The following KMT2C variants were observed in gnomAD, a reference collection of about 807,000 sequenced individuals.
KMT2C encodes histone-lysine N-methyltransferase 2C.
A neutral mutation model predicts 507.9 loss-of-function variants in KMT2C; 88 were observed. That is an observed-to-expected ratio of 0.17 (90% CI 0.15 to 0.21). The LOEUF is 0.21. KMT2C is among the 10% of genes least tolerant of loss of function. KMT2C has a pLI of 1.00. For missense variants in KMT2C, 4,954 were observed against 5,957.8 expected, an observed-to-expected ratio of 0.83 and a Z score of 5.55; for synonymous variants, 2,049 against 2,080.8, an observed-to-expected ratio of 0.98 and a Z score of 0.42.
At chr7:152,200,996 A>T (rs2094119172) in intron 26 of KMT2C, among the ~76,000 whole-genome samples, 1 of 152,160 alleles carries the variant, frequency 6.6e-6, no homozygotes, top group South Asian at 2.1e-4. Context: ...ATAATAAGCA[A>T]TGCTTTTATC....
chr7:152,246,376 A>G (rs572765733), intron 14 of KMT2C, among the ~76,000 whole-genome samples: 1 of 152,284 alleles, frequency 6.6e-6, no homozygotes, highest in Non-Finnish European at 1.5e-5. Flanking sequence ...TGGGAATCAA[A>G]GACAGCTCAG....
intron 20 of KMT2C, among the ~76,000 whole-genome samples, chr7:152,223,769 C>G (rs2094846356): frequency 6.6e-6 from 1 of 152,092 alleles, no homozygotes; most frequent in African/African-American, 2.4e-5. Flanking sequence ...CACTGCACTC[C>G]AGCCTGGTGA....
chr7:152,300,143 A>G (rs2096553956), intron 6 of KMT2C, among the ~76,000 whole-genome samples: 1 of 152,340 alleles, frequency 6.6e-6, no homozygotes, highest in Middle Eastern at 3.4e-3. Context: ...ACTATAGTCC[A>G]TTAGACAGAA....
At chr7:152,215,429 G>C (rs931987862) in intron 23 of KMT2C, among the ~76,000 whole-genome samples, 1 of 149,922 alleles carries the variant, frequency 6.7e-6, no homozygotes, top group African/African-American at 2.5e-5. Context: ...CAGGAGAATG[G>C]CGTGAACCCA....
At chr7:152,227,249 A>G (rs2094961055) in intron 18 of KMT2C, among the ~76,000 whole-genome samples, 1 of 152,206 alleles carries the variant, frequency 6.6e-6, no homozygotes. Context: ...TAACCTAGGT[A>G]CTGGGGTTGT....
At chr7:152,141,712 C>CAAAAAAAAA (rs1249621681) in intron 55 of KMT2C, among the ~76,000 whole-genome samples, 29 of 61,872 alleles carry the variant, frequency 4.7e-4, no homozygotes, top group African/African-American at 1.6e-3. Flanking sequence ...GACTCTGTCT[C>CAAAAAAAAA]AAAAAAAAAA....
At chr7:152,142,708 A>C (rs1291045939) in intron 55 of KMT2C, among the ~76,000 whole-genome samples, 1 of 152,268 alleles carries the variant, frequency 6.6e-6, no homozygotes, top group East Asian at 1.9e-4. Context: ...GCAATGGTTT[A>C]ACTGCAGTTC....
chr7:152,141,791 G>A (rs1215369943), intron 55 of KMT2C, among the ~76,000 whole-genome samples: 3 of 151,926 alleles, frequency 2.0e-5, no homozygotes, highest in African/African-American at 7.3e-5. Context: ...GGCCGAGGCA[G>A]GTGAATTGCT....
intron 6 of KMT2C, among the ~76,000 whole-genome samples, chr7:152,307,385 G>A (rs894537485): frequency 7.3e-5 from 11 of 150,678 alleles, no homozygotes; most frequent in South Asian, 2.1e-4. Context: ...AGGGAAGGAG[G>A]GAGGAAGGGA....
chr7:152,413,174 G>A (rs2097699655), intron 1 of KMT2C, among the ~76,000 whole-genome samples: 1 of 152,126 alleles, frequency 6.6e-6, no homozygotes, highest in Admixed American at 6.6e-5. Flanking sequence ...GAGTGCAGTG[G>A]TGCGATTTTA....
intron 1 of KMT2C, among the ~76,000 whole-genome samples, chr7:152,372,728 A>C (rs1354105793): frequency 1.3e-5 from 2 of 152,178 alleles, no homozygotes; most frequent in African/African-American, 4.8e-5. Flanking sequence ...AAGCACTATC[A>C]ATAGAACTAA....
At chr7:152,160,594 GC>G in intron 43 of KMT2C, among the ~76,000 whole-genome samples, 1 of 149,602 alleles carries the variant, frequency 6.7e-6, no homozygotes, top group African/African-American at 2.5e-5. Flanking sequence ...ACTCTGAGTG[GC>G]AAGAACCTAA....
chr7:152,269,491 A>G (rs774999952), intron 7 of KMT2C, among the ~76,000 whole-genome samples: 1 of 152,210 alleles, frequency 6.6e-6, no homozygotes, highest in Non-Finnish European at 1.5e-5. Context: ...TTAAATATGA[A>G]TATTTAGACA....
chr7:152,225,058 T>C (rs1172059981), intron 18 of KMT2C, among the ~76,000 whole-genome samples: 1 of 152,176 alleles, frequency 6.6e-6, no homozygotes, highest in Non-Finnish European at 1.5e-5. Context: ...TAGGGACATT[T>C]TATGATCTTA....
At chr7:152,396,935 A>G (rs1313857371) in intron 1 of KMT2C, among the ~76,000 whole-genome samples, 1 of 152,204 alleles carries the variant, frequency 6.6e-6, no homozygotes, top group Admixed American at 6.5e-5. Context: ...ACAAATACAC[A>G]AGTACAAGGA....
At chr7:152,410,422 A>AG in intron 1 of KMT2C, among the ~76,000 whole-genome samples, 1 of 151,392 alleles carries the variant, frequency 6.6e-6, no homozygotes, top group Non-Finnish European at 1.5e-5. Context: ...AAAAAAAAAA[A>AG]AAAAAATTAG....
intron 2 of KMT2C, among the ~76,000 whole-genome samples, chr7:152,345,712 G>C (rs947204263): frequency 6.6e-6 from 1 of 152,044 alleles, no homozygotes; most frequent in African/African-American, 2.4e-5. Context: ...ATAGAGGTGG[G>C]GTTTCACCAC....
At chr7:152,398,345 T>TA (rs1348501363) in intron 1 of KMT2C, among the ~76,000 whole-genome samples, 1 of 152,114 alleles carries the variant, frequency 6.6e-6, no homozygotes, top group African/African-American at 2.4e-5. Flanking sequence ...GTGTATAAGC[T>TA]AAAATGGAAA....
intron 1 of KMT2C, among the ~76,000 whole-genome samples, chr7:152,417,857 T>C (rs1190007587): frequency 6.6e-6 from 1 of 150,822 alleles, no homozygotes; most frequent in African/African-American, 2.4e-5. Flanking sequence ...TTAGCCAGGA[T>C]GGTCTCAATC....
Sources: allele counts gnomAD v4.1 joint callset (sites outside exome capture counted in the v4.1 genomes callset), GRCh38; gene constraint gnomAD v4.1.1; transcripts MANE v1.5; gene names NCBI Gene and HGNC (gene_info 2026-07-23, HGNC 2026-07-21).